The following UBE2Z variants were observed in gnomAD, a reference collection of about 807,000 sequenced individuals.
The protein encoded by UBE2Z is ubiquitin-conjugating enzyme E2 Z.
UBE2Z carries 10 observed loss-of-function variants against 32.6 expected under a neutral mutation model. The observed-to-expected ratio is 0.31, with a 90% CI of 0.19 to 0.52. The LOEUF (loss-of-function observed/expected upper bound fraction) is 0.52. Ranked by LOEUF, UBE2Z falls within the 20% of genes least tolerant of loss-of-function variation. UBE2Z has a pLI of 0.97. For synonymous variants in UBE2Z, 183 were observed against 190.8 expected (o/e 0.96, Z 0.34); for missense variants, 343 against 480.9 (o/e 0.71, Z 2.68).
At chr17:48,922,290 A>G (rs1431209935) in intron 5 of UBE2Z, among the ~76,000 whole-genome samples, 1 of 151,638 alleles carries the variant, frequency 6.6e-6, no homozygotes, top group African/African-American at 2.4e-5. Flanking sequence ...AGGAGGCTGA[A>G]GCATGAGAAT....
intron 4 of UBE2Z, 112 bp from the exon 5 acceptor site, chr17:48,921,048 C>T: frequency 1.2e-6 from 1 of 809,234 alleles, no homozygotes; most frequent in Non-Finnish European, 2.0e-6. Flanking sequence ...GGAAAGGTAT[C>T]TTTTTAGTTT....
At chr17:48,912,543 T>A (rs2040687901) in intron 2 of UBE2Z, 1 of 372,682 alleles carries the variant, frequency 2.7e-6, no homozygotes, top group Non-Finnish European at 5.0e-6. Flanking sequence ...AAGAGAGTTT[T>A]AGGGGATACT....
rs2040646715 is a variant in UBE2Z at position 48,908,570 on chromosome 17, A to G, written c.67A>G (p.Ser23Gly). The G allele has an allele frequency of 3.2e-6, 4 of 1,237,780 alleles. No homozygotes were observed. The highest frequency in any genetic ancestry group is 4.0e-6 in the Non-Finnish European group (4 of 988,046). 76.7% of individuals were successfully genotyped at this position (1,237,780 alleles called of 1,614,324 possible). A position where few individuals can be genotyped will look rare whatever the true frequency, so the allele number is the denominator to read the frequency against. The change falls in exon 1 of 7, where the codon AGC (serine) becomes GGC (glycine). Residue 23 changes from serine to glycine, a missense_variant. Transcript: ENST00000360943. ...GAGAAGPGASSVAGVVGVSGS... is the reference protein window; with the variant it reads ...GAGAAGPGASGVAGVVGVSGS... ...CGGGGCGGCGGGCCCCGGGGCGAGC[A>G]GCGTTGCTGGTGTTGTTGGCGTTAG...
At chr17:48,923,015 A>G (rs2040771975) in intron 6 of UBE2Z, 78 bp downstream of exon 6, 1 of 1,330,368 alleles carries the variant, frequency 7.5e-7, no homozygotes, top group Non-Finnish European at 1.0e-6. Context: ...TGGCATCGAC[A>G]GCTGTCATAG....
At chr17:48,918,752 T>C (rs2040738565) in intron 4 of UBE2Z, among the ~76,000 whole-genome samples, 1 of 149,112 alleles carries the variant, frequency 6.7e-6, no homozygotes, top group South Asian at 2.1e-4. Context: ...TTGTCTTTTT[T>C]TTTTTTTTTT....
intron 4 of UBE2Z, among the ~76,000 whole-genome samples, chr17:48,919,776 C>T (rs1032975895): frequency 6.6e-6 from 1 of 152,204 alleles, no homozygotes. Flanking sequence ...TCGGGCCCAG[C>T]CCTACTTCTG....
At chr17:48,919,329 T>A (rs2040743214) in intron 4 of UBE2Z, among the ~76,000 whole-genome samples, 1 of 152,130 alleles carries the variant, frequency 6.6e-6, no homozygotes, top group Non-Finnish European at 1.5e-5. Flanking sequence ...TGACTGGGGT[T>A]GGTGGTAAGA....
At chr17:48,915,342 A>G (rs1425821121) in intron 3 of UBE2Z, among the ~76,000 whole-genome samples, 1 of 152,174 alleles carries the variant, frequency 6.6e-6, no homozygotes, top group Non-Finnish European at 1.5e-5. Context: ...GTCCTGGCTT[A>G]GGTTGTGTTC....
Position 48,922,955 on chromosome 17 carries a change from G to C in UBE2Z, c.894+18G>C. 2 of 1,598,252 alleles carry C rather than the reference G, an allele frequency of 1.3e-6. No individual in the cohort carries two copies. The highest frequency in any genetic ancestry group is 1.7e-6 in the Non-Finnish European group (2 of 1,170,256). ...CTATGCAGGTAATACAACCCCTGCT[G>C]CTAATTGCAGAAGCCCTACAGCTGG... On this transcript the variant is annotated intron_variant, in intron 6 of 6. Transcript: ENST00000360943.
chr17:48,912,953 G>A lies in UBE2Z; in HGVS notation c.510G>A (p.Thr170=), dbSNP rs751466437. Residue 170 remains threonine, a synonymous_variant, in exon 3 of 7, where the codon ACG becomes ACA. Coordinates refer to ENST00000360943, the MANE Select transcript of UBE2Z (RefSeq NM_023079.5). ...CACCTCGGGTCAAACTGATGACAAC[G>A]GGCAATAACACAGTGAGGTTTAACC... is the stretch of plus-strand genomic sequence containing the variant. ...IHPPRVKLMT[T]GNNTVRFNPN... is the part of the protein sequence containing the mutation. 6 of 1,613,734 alleles carry A rather than the reference G, an allele frequency of 3.7e-6. No homozygotes were observed. The highest frequency in any genetic ancestry group is 2.2e-5 in the East Asian group (1 of 44,894).
chr17:48,920,838 A>G (rs1353867117), intron 4 of UBE2Z, among the ~76,000 whole-genome samples: 1 of 151,994 alleles, frequency 6.6e-6, no homozygotes, highest in East Asian at 1.9e-4. Context: ...CAACCCTACC[A>G]TCATTCTTAT....
At chr17:48,922,511 G>A (rs1414526045) in intron 5 of UBE2Z, among the ~76,000 whole-genome samples, 1 of 152,246 alleles carries the variant, frequency 6.6e-6, no homozygotes, top group African/African-American at 2.4e-5. Flanking sequence ...GCTTGCGCCT[G>A]TAGTCCTAGC....
intron 6 of UBE2Z, among the ~76,000 whole-genome samples, chr17:48,923,320 C>CAAA (rs56100763): frequency 2.9e-5 from 3 of 102,086 alleles, no homozygotes; most frequent in African/African-American, 1.1e-4. Flanking sequence ...GACTCTGTCT[C>CAAA]AAAAAAAAAA....
intron 3 of UBE2Z, among the ~76,000 whole-genome samples, chr17:48,913,555 A>G (rs1234414561): frequency 6.6e-6 from 1 of 152,126 alleles, no homozygotes; most frequent in Non-Finnish European, 1.5e-5. Context: ...GAGTTTCACC[A>G]TGTTGGCCAG....
In UBE2Z at chr17:48,909,351, C is replaced by T. The variant is rs1048552663; in HGVS notation, c.317+531C>T. Among the ~76,000 whole-genome samples, 16 of 152,056 alleles carry T rather than the reference C, an allele frequency of 1.1e-4. No homozygotes were observed. The East Asian group carries it at 2.9e-3, about 28-fold the overall frequency. ...TTTATCCTCCGTTTTTCTCAGATTC[C>T]CTCCACACAGTCTTTTCCCAGGTCT... On this transcript the variant is annotated intron_variant, in intron 1 of 6. Coordinates refer to ENST00000360943, the MANE Select transcript of UBE2Z (RefSeq NM_023079.5).
At position 48,912,842 on chromosome 17, in the gene UBE2Z, A is replaced by G; in HGVS notation, c.399A>G (p.Ala133=). The G allele has an allele frequency of 1.2e-6, 2 of 1,613,818 alleles. No individual in the cohort carries two copies. The highest frequency in any genetic ancestry group is 1.1e-5 in the South Asian group (1 of 91,058). The change falls in exon 3 of 7, where the codon GCA becomes GCG. Residue 133 remains alanine, a synonymous_variant. Transcript: ENST00000360943. ...GGGGTTTTATTTTGCAGATTCATGC[A>G]TTGATCACAGGCCCATTTGACACTC... The part of the protein sequence containing the change: ...PDTVDMTKIH[A]LITGPFDTPY...
chr17:48,911,524 TAGAA>T (rs1050055533), intron 2 of UBE2Z: 50 of 152,386 alleles, frequency 3.3e-4, no homozygotes, highest in African/African-American at 1.1e-3. Flanking sequence ...AAACTGATGT[TAGAA>T]AGAAATCATA....
chr17:48,910,953 ATT>A (rs2040672933), intron 2 of UBE2Z, 73 bp downstream of exon 2: 1 of 1,199,156 alleles, frequency 8.3e-7, no homozygotes, highest in South Asian at 1.2e-5. Context: ...CCTAAAAGAG[ATT>A]ATTCAGCTCA....
chr17:48,908,572 C>G lies in UBE2Z; in HGVS notation c.69C>G (p.Ser23Arg). Reference protein sequence around the residue: ...GAGAAGPGASSVAGVVGVSGS... With the variant: ...GAGAAGPGASRVAGVVGVSGS... ...GGGCGGCGGGCCCCGGGGCGAGCAG[C>G]GTTGCTGGTGTTGTTGGCGTTAGCG... Residue 23 changes from serine (S) to arginine (R), a missense_variant, in exon 1 of 7, where the codon AGC becomes AGG. Ser to Arg is a moderately radical substitution (Grantham distance 110, BLOSUM62 -1). Coordinates refer to ENST00000360943, the MANE Select transcript of UBE2Z (RefSeq NM_023079.5). 8.1e-7 allele frequency: 1 copy of G among 1,239,322 alleles called. No individual in the cohort carries two copies. Among genetic ancestry groups the G allele is most frequent in the Non-Finnish European group, 1.0e-6 (1 of 989,024 alleles). 76.8% of individuals were successfully genotyped at this position (1,239,322 alleles called of 1,614,324 possible). A position where few individuals can be genotyped will look rare whatever the true frequency, so the allele number is the denominator to read the frequency against.
Sources: allele counts gnomAD v4.1 joint callset (sites outside exome capture counted in the v4.1 genomes callset), GRCh38; gene constraint gnomAD v4.1.1; transcripts MANE v1.5; gene names NCBI Gene and HGNC (gene_info 2026-07-23, HGNC 2026-07-21).